The following CTNNA2 variants were observed in gnomAD, a reference collection of about 807,000 sequenced individuals.
CTNNA2 encodes the protein catenin alpha 2.
CTNNA2 carries 42 observed loss-of-function variants against 101.0 expected under a neutral mutation model. That is an observed-to-expected ratio of 0.42 (90% confidence interval 0.32 to 0.54). The LOEUF (loss-of-function observed/expected upper bound fraction) is 0.54. Among genes scored for constraint, CTNNA2 ranks in the 20% least tolerant of loss-of-function variants. The pLI is 0.14. For synonymous variants in CTNNA2, 450 were observed against 456.4 expected, an observed-to-expected ratio of 0.99 and a Z score of 0.18; for missense variants, 871 against 1,223.1, an observed-to-expected ratio of 0.71 and a Z score of 4.29.
intron 9 of CTNNA2, among the ~76,000 whole-genome samples, chr2:80,512,288 A>G (rs762375271): frequency 2.6e-5 from 4 of 152,150 alleles, no homozygotes; most frequent in Non-Finnish European, 5.9e-5. Flanking sequence ...ATATGCCCAT[A>G]ACTTCTTGAA....
chr2:80,250,182 G>A (rs1463709462), intron 7 of CTNNA2, among the ~76,000 whole-genome samples: 3 of 142,036 alleles, frequency 2.1e-5, no homozygotes, highest in African/African-American at 5.3e-5. Flanking sequence ...ATGGATGGGG[G>A]GAGAGAGAGA....
At chr2:79,369,445 C>T (rs1165142173) in intron 3 of CTNNA2, among the ~76,000 whole-genome samples, 1 of 152,130 alleles carries the variant, frequency 6.6e-6, no homozygotes, top group African/African-American at 2.4e-5. Context: ...CTTCCAATAT[C>T]GTCTTGGCCT....
intron 4 of CTNNA2, among the ~76,000 whole-genome samples, chr2:79,455,984 C>G (rs1040826991): frequency 6.6e-6 from 1 of 152,064 alleles, no homozygotes; most frequent in South Asian, 2.1e-4. Flanking sequence ...AGGTAAGAAT[C>G]TTAATAAAGA....
chr2:80,509,437 G>T (rs192188689), intron 9 of CTNNA2, among the ~76,000 whole-genome samples: 1 of 152,302 alleles, frequency 6.6e-6, no homozygotes, highest in East Asian at 1.9e-4. Context: ...CTACGGACAA[G>T]AAATTGTCCT....
At chr2:80,266,513 C>T (rs537197717) in intron 7 of CTNNA2, among the ~76,000 whole-genome samples, 23 of 152,324 alleles carry the variant, frequency 1.5e-4, no homozygotes, top group African/African-American at 3.4e-4. Flanking sequence ...ACCTCAGGTG[C>T]GCTGAAAGCT....
chr2:79,895,869 G>C (rs565963794), intron 6 of CTNNA2, among the ~76,000 whole-genome samples: 6 of 152,222 alleles, frequency 3.9e-5, no homozygotes, highest in Admixed American at 3.9e-4. Context: ...ATGGGCAGCA[G>C]ATCTATTTTG....
At chr2:80,558,586 A>T (rs1443180459) in intron 12 of CTNNA2, among the ~76,000 whole-genome samples, 6 of 152,080 alleles carry the variant, frequency 3.9e-5, no homozygotes. Flanking sequence ...AACCCTGTGC[A>T]TGTCCCTGAT....
At chr2:79,733,892 A>C (rs533044742) in intron 2 of CTNNA2, among the ~76,000 whole-genome samples, 1 of 152,110 alleles carries the variant, frequency 6.6e-6, no homozygotes, top group Admixed American at 6.6e-5. Flanking sequence ...AAGATGATGA[A>C]TGTTGGGATA....
intron 4 of CTNNA2, among the ~76,000 whole-genome samples, chr2:79,408,464 C>A (rs1016913550): frequency 1.4e-5 from 2 of 138,228 alleles, no homozygotes; most frequent in African/African-American, 5.3e-5. Flanking sequence ...CTCCCCTCAC[C>A]CCACAAGAGT....
intron 2 of CTNNA2, among the ~76,000 whole-genome samples, chr2:79,260,238 A>T (rs1674902674): frequency 6.6e-6 from 1 of 152,104 alleles, no homozygotes; most frequent in African/African-American, 2.4e-5. Flanking sequence ...CAGCTCAAGG[A>T]AGTGTTCTCC....
chr2:79,715,037 C>CAA (rs60331511), intron 2 of CTNNA2, among the ~76,000 whole-genome samples: 3,017 of 97,068 alleles, frequency 0.031, 53 homozygotes, highest in South Asian at 0.049. Flanking sequence ...CTAAAAATAC[C>CAA]AAAAAAAAAA....
chr2:80,290,224 C>T (rs886314809), intron 7 of CTNNA2, among the ~76,000 whole-genome samples: 3 of 152,070 alleles, frequency 2.0e-5, no homozygotes, highest in African/African-American at 7.2e-5. Context: ...AATTCCATGC[C>T]AGATAGTTTT....
chr2:80,318,941 T>G (rs980282071), intron 7 of CTNNA2, among the ~76,000 whole-genome samples: 2 of 152,036 alleles, frequency 1.3e-5, no homozygotes, highest in Non-Finnish European at 2.9e-5. Flanking sequence ...CTAGAAGAGG[T>G]TTTAGTGTAT....
At chr2:79,212,824 A>C (rs1674193884) in intron 2 of CTNNA2, among the ~76,000 whole-genome samples, 1 of 152,192 alleles carries the variant, frequency 6.6e-6, no homozygotes, top group Non-Finnish European at 1.5e-5. Flanking sequence ...AGTCCTGGGC[A>C]GGGGCAAATC....
At position 79,335,342 on chromosome 2, in the gene CTNNA2, G is replaced by C. The variant is rs116441814; in HGVS notation, c.-318+22546G>C. 5.3e-3 allele frequency among the ~76,000 whole-genome samples: 801 copies of C among 152,244 alleles called. 7 individuals carry two copies. The highest frequency in any genetic ancestry group is 0.019 in the African/African-American group (778 of 41,544). On this transcript the variant is annotated intron_variant, in intron 3 of 21. Transcript: ENST00000466387. ...AGAACAATACCAAGACTCAGAGGGG[G>C]ACAATGCTTTTCCAAAGACTCACAG...
chr2:80,297,746 C>T (rs1004904370), intron 7 of CTNNA2, among the ~76,000 whole-genome samples: 2 of 152,144 alleles, frequency 1.3e-5, no homozygotes, highest in East Asian at 1.9e-4. Context: ...GCAGGTTACA[C>T]TCTGCTGTGG....
intron 7 of CTNNA2, among the ~76,000 whole-genome samples, chr2:80,045,450 A>G (rs1218422925): frequency 6.6e-6 from 1 of 152,148 alleles, no homozygotes; most frequent in East Asian, 1.9e-4. Context: ...TAACTCTTTT[A>G]ATATTTTCCT....
At chr2:79,361,157 T>C (rs1677619420) in intron 3 of CTNNA2, among the ~76,000 whole-genome samples, 1 of 152,238 alleles carries the variant, frequency 6.6e-6, no homozygotes. Context: ...TATTGAGATC[T>C]GCAGTAGAAT....
At chr2:79,564,633 T>C (rs992537659) in intron 1 of CTNNA2, among the ~76,000 whole-genome samples, 2 of 152,194 alleles carry the variant, frequency 1.3e-5, no homozygotes, top group Non-Finnish European at 2.9e-5. Flanking sequence ...TTCACACTAG[T>C]CTAGTTTATA....
Sources: gnomAD v4.1 joint callset for allele counts (sites outside exome capture counted in the v4.1 genomes callset) on GRCh38, gnomAD v4.1.1 for gene constraint, MANE v1.5 for transcripts, NCBI Gene and HGNC (gene_info 2026-07-23, HGNC 2026-07-21) for gene names.